The following CDC42BPB variants were observed in gnomAD, a reference collection of about 807,000 sequenced individuals.
CDC42BPB encodes CDC42 binding protein kinase beta, also known as serine/threonine-protein kinase MRCK beta.
Under a neutral mutation model 214.9 loss-of-function variants are expected in CDC42BPB, and 37 were observed. The ratio of observed to expected loss-of-function variants is 0.17; its 90% CI spans 0.13 to 0.23. The LOEUF (loss-of-function observed/expected upper bound fraction) is 0.23, where lower values mean the gene tolerates loss of function less well. Among genes scored for constraint, CDC42BPB ranks in the 10% least tolerant of loss-of-function variants. The probability of loss-of-function intolerance (pLI) is 1.00; values close to 1 mark genes in which losing one functional copy is unlikely to be tolerated. For synonymous variants in CDC42BPB, 931 were observed against 884.0 expected, an observed-to-expected ratio of 1.05 and a Z score of -0.94; for missense variants, 1,694 against 2,227.0, an observed-to-expected ratio of 0.76 and a Z score of 4.82.
At position 102,978,705 on chromosome 14, in the gene CDC42BPB, A is replaced by G. The variant is rs942170920; in HGVS notation, c.1141-500T>C. 3.3e-5 allele frequency among the ~76,000 whole-genome samples: 5 copies of G among 152,186 alleles called. No individual in the cohort carries two copies. In the South Asian group the frequency reaches 1.0e-3, roughly 31 times the overall value. On this transcript the variant is annotated intron_variant, in intron 8 of 36. Transcript: ENST00000361246. ...TTTTTCATTCTGAGGATCTTTCTTT[A>G]TTAAAAACTATAACCAGGGGCCAGG... is the stretch of plus-strand genomic sequence containing the variant.
intron 5 of CDC42BPB, among the ~76,000 whole-genome samples, chr14:102,988,520 C>A (rs1894350970): frequency 6.6e-6 from 1 of 151,964 alleles, no homozygotes; most frequent in Non-Finnish European, 1.5e-5. Context: ...GAGGATCAGG[C>A]CCAGATGATT....
At chr14:102,964,987 G>A (rs914001310) in intron 18 of CDC42BPB, among the ~76,000 whole-genome samples, 8 of 151,516 alleles carry the variant, frequency 5.3e-5, no homozygotes, top group South Asian at 4.2e-4. Context: ...GTGCAATGGC[G>A]TGATCTCAGC....
At chr14:102,960,519 G>C (rs1237136226) in intron 20 of CDC42BPB, among the ~76,000 whole-genome samples, 1 of 152,204 alleles carries the variant, frequency 6.6e-6, no homozygotes, top group Non-Finnish European at 1.5e-5. Flanking sequence ...CTACTTGGGA[G>C]ACAGAGACAG....
intron 5 of CDC42BPB, among the ~76,000 whole-genome samples, chr14:102,994,891 G>A (rs1894656682): frequency 6.6e-6 from 1 of 152,202 alleles, no homozygotes; most frequent in Non-Finnish European, 1.5e-5. Context: ...CCCACAGCAG[G>A]TGTGCCTCAG....
intron 5 of CDC42BPB, among the ~76,000 whole-genome samples, chr14:102,998,966 G>A (rs1894863476): frequency 1.1e-5 from 1 of 89,552 alleles, no homozygotes; most frequent in African/African-American, 4.4e-5. Context: ...TGAGCCCCAG[G>A]GAGCACAGGC....
chr14:103,053,346 C>CA lies in CDC42BPB; in HGVS notation c.175+3652dup, dbSNP rs953498094. 8.3e-4 allele frequency among the ~76,000 whole-genome samples: 113 copies of CA among 135,564 alleles called. 1 individual carries two copies. The highest frequency in any genetic ancestry group is 6.2e-3 in the East Asian group (29 of 4,710). 88.9% of individuals were successfully genotyped at this position (135,564 alleles called of 152,430 possible). On this transcript the variant is annotated intron_variant, in intron 1 of 36. Coordinates refer to ENST00000361246, the MANE Select transcript of CDC42BPB (RefSeq NM_006035.4). ...TGGGCAACAGAGTGAGACTCCGTCT[C>CA]AAAAAAAAAAGAAAAGAAAAGAAAA...
rs778767290 is a variant in CDC42BPB, at chr14:102,949,952, C to G, written c.3310-48G>C. The G allele has an allele frequency of 1.1e-5, 17 of 1,605,682 alleles. No individual in the cohort carries two copies. The South Asian group carries it at 1.7e-4, about 16-fold the overall frequency. On this transcript the variant is annotated intron_variant, in intron 25 of 36. Transcript: ENST00000361246. ...GCCACGTTCCACCAGGCCAGGCAGG[C>G]CGCCAGGCCCCATTACACTCGTTCA...
Position 103,001,979 on chromosome 14 carries a change from C to A in CDC42BPB, c.447+1949G>T, listed in dbSNP as rs189734557. ...CTCCAGAATGAGAATCAGACCTAGT[C>A]TGTCCTGTCACAGAACGCGGGGTGC... On this transcript the variant is annotated intron_variant, in intron 4 of 36. Coordinates refer to ENST00000361246, the MANE Select transcript of CDC42BPB (RefSeq NM_006035.4). This position sits in a 1 kb window ranked among gnomAD's most constrained non-coding sequence, Gnocchi z 5.8. Among the ~76,000 whole-genome samples the A allele has an allele frequency of 1.6e-3, 247 of 152,348 alleles. No homozygotes were observed. Among genetic ancestry groups the A allele is most frequent in the Middle Eastern group, 6.8e-3 (2 of 294 alleles).
chr14:103,050,741 A>G lies in CDC42BPB; in HGVS notation c.175+6258T>C, dbSNP rs969100312. 3.3e-5 allele frequency among the ~76,000 whole-genome samples: 5 copies of G among 151,652 alleles called. No homozygotes were observed. In the South Asian group the frequency reaches 1.0e-3, roughly 31 times the overall value. On this transcript the variant is annotated intron_variant, in intron 1 of 36. Coordinates refer to ENST00000361246, the MANE Select transcript of CDC42BPB (RefSeq NM_006035.4). ...CACTACACTCCAGCCTGGGTAACAG[A>G]GCAAGACCCTGTCTTGGGGGGAAAA...
intron 1 of CDC42BPB, among the ~76,000 whole-genome samples, chr14:103,026,916 A>G (rs1887089321): frequency 6.6e-6 from 1 of 152,130 alleles, no homozygotes. Flanking sequence ...AGCGTAGGAA[A>G]TATCTGAAAT....
At chr14:102,981,320 G>T in intron 7 of CDC42BPB, 1 of 374,580 alleles carries the variant, frequency 2.7e-6, no homozygotes, top group Non-Finnish European at 3.7e-6. Context: ...AGGGACAGGC[G>T]CAGCCCCGTC....
At chr14:103,022,249 C>T (rs1203976330) in intron 1 of CDC42BPB, among the ~76,000 whole-genome samples, 1 of 152,164 alleles carries the variant, frequency 6.6e-6, no homozygotes, top group East Asian at 1.9e-4. Flanking sequence ...GTGGAGACCA[C>T]AGGTGGCCTT....
At chr14:102,946,209 G>C (rs1305055508) in intron 28 of CDC42BPB, among the ~76,000 whole-genome samples, 3 of 151,678 alleles carry the variant, frequency 2.0e-5, no homozygotes, top group Admixed American at 6.6e-5. Flanking sequence ...TTTTTTAGCA[G>C]AGACAGGGTT....
intron 30 of CDC42BPB, chr14:102,940,802 C>T: frequency 4.6e-6 from 1 of 219,070 alleles, no homozygotes. Flanking sequence ...AACAACCCTG[C>T]CTGTCTGCCC....
intron 3 of CDC42BPB, among the ~76,000 whole-genome samples, chr14:103,007,512 G>A (rs1416060733): frequency 6.6e-6 from 1 of 152,190 alleles, no homozygotes; most frequent in African/African-American, 2.4e-5. Context: ...AGGAGTAAGA[G>A]GAGAGGGTCT....
chr14:102,947,185 T>C (rs534306410), intron 27 of CDC42BPB, among the ~76,000 whole-genome samples: 11 of 152,352 alleles, frequency 7.2e-5, no homozygotes, highest in South Asian at 6.2e-4. Context: ...AGCTAATTTA[T>C]AGACTTAGTT....
chr14:102,970,749 T>C (rs1893437650), intron 13 of CDC42BPB, among the ~76,000 whole-genome samples: 1 of 152,236 alleles, frequency 6.6e-6, no homozygotes, highest in African/African-American at 2.4e-5. Context: ...TTCCCCCATA[T>C]GTGGAATGCT....
rs536917638 is a variant in CDC42BPB at position 102,940,486 on chromosome 14, C to T, written c.4409-162G>A. On this transcript the variant is annotated intron_variant, in intron 30 of 36. Coordinates refer to ENST00000361246, the MANE Select transcript of CDC42BPB (RefSeq NM_006035.4). ...GACTTCATGTTCCCACTCTGGAATT[C>T]ATCTTCATTTCAAAGTTTAAACAAA... 416 of 1,450,374 alleles carry T rather than the reference C, an allele frequency of 2.9e-4. 7 individuals carry two copies. In the South Asian group the frequency reaches 5.6e-3, roughly 20 times the overall value. The allele number at this position is 1,450,374 out of a possible 1,614,324, so 89.8% of individuals were successfully genotyped here. A position where few individuals can be genotyped will look rare whatever the true frequency, so the allele number is the denominator to read the frequency against.
chr14:103,007,630 G>A lies in CDC42BPB; in HGVS notation c.351+842C>T, dbSNP rs34665521. On this transcript the variant is annotated intron_variant, in intron 3 of 36. Transcript: ENST00000361246. ...CTGAGCAGCCTAGAGCCACCGCAGC[G>A]CTGCCAGGCACAGGCCTCGCTCAGG... Among the ~76,000 whole-genome samples the A allele has an allele frequency of 8.4e-3, 1,278 of 152,318 alleles. 24 individuals carry two copies. The highest frequency in any genetic ancestry group is 0.028 in the African/African-American group (1,160 of 41,568).
Sources: gnomAD v4.1 joint callset for allele counts (sites outside exome capture counted in the v4.1 genomes callset) on GRCh38, gnomAD v4.1.1 for gene constraint, Gnocchi (gnomAD v3.1) non-coding constraint, MANE v1.5 for transcripts, NCBI Gene and HGNC (gene_info 2026-07-23, HGNC 2026-07-21) for gene names.